The following GABRG3 variants were observed in gnomAD, a reference collection of about 807,000 sequenced individuals.
GABRG3 encodes gamma-aminobutyric acid type A receptor subunit gamma3, also known as gamma-aminobutyric acid receptor subunit gamma-3.
A neutral mutation model predicts 48.8 loss-of-function variants in GABRG3; 25 were observed. That is an observed-to-expected ratio of 0.51 (90% confidence interval 0.37 to 0.72). The LOEUF (loss-of-function observed/expected upper bound fraction) is 0.72. Ranked by LOEUF, GABRG3 falls within the 30% of genes least tolerant of loss-of-function variation. GABRG3 has a pLI of 0.00. For synonymous variants in GABRG3, 227 were observed against 217.6 expected (o/e 1.04, Z -0.38); for missense variants, 394 against 577.9 (o/e 0.68, Z 3.26).
intron 5 of GABRG3, among the ~76,000 whole-genome samples, chr15:27,379,407 C>A (rs9672260): frequency 0.37 from 55,757 of 152,064 alleles, 10,553 homozygotes; most frequent in Middle Eastern, 0.43. Context: ...AAGCTATAAT[C>A]ATCAAATTCT....
At chr15:27,221,866 A>C (rs1293833326) in intron 3 of GABRG3, among the ~76,000 whole-genome samples, 1 of 152,126 alleles carries the variant, frequency 6.6e-6, no homozygotes, top group Non-Finnish European at 1.5e-5. Context: ...GCTGTTTTCT[A>C]TCTATATTTT....
intron 6 of GABRG3, among the ~76,000 whole-genome samples, chr15:27,489,037 C>A (rs185571444): frequency 6.6e-6 from 1 of 151,492 alleles, no homozygotes; most frequent in East Asian, 1.9e-4. Flanking sequence ...CATCCCCCCA[C>A]CCCCCGACAG....
chr15:27,111,043 G>A (rs1001799419), intron 3 of GABRG3, among the ~76,000 whole-genome samples: 7 of 152,068 alleles, frequency 4.6e-5, no homozygotes, highest in African/African-American at 1.4e-4. Context: ...ATTAATATAT[G>A]ACATTGCCTC....
At chr15:27,221,132 C>A (rs1296669686) in intron 3 of GABRG3, among the ~76,000 whole-genome samples, 1 of 152,052 alleles carries the variant, frequency 6.6e-6, no homozygotes, top group East Asian at 1.9e-4. Context: ...GGGCATTTTA[C>A]AAAACAGATG....
At chr15:27,406,841 G>C (rs2140594373) in intron 5 of GABRG3, among the ~76,000 whole-genome samples, 1 of 152,280 alleles carries the variant, frequency 6.6e-6, no homozygotes, top group Non-Finnish European at 1.5e-5. Flanking sequence ...TGGGGAAAGG[G>C]TCAAACGTAG....
At chr15:27,058,171 G>A (rs1217832862) in intron 3 of GABRG3, among the ~76,000 whole-genome samples, 3 of 152,140 alleles carry the variant, frequency 2.0e-5, no homozygotes, top group South Asian at 2.1e-4. Context: ...CTATGATAAC[G>A]CATCAGAACA....
At chr15:27,317,525 C>T (rs979445646) in intron 3 of GABRG3, among the ~76,000 whole-genome samples, 1 of 152,194 alleles carries the variant, frequency 6.6e-6, no homozygotes, top group African/African-American at 2.4e-5. Context: ...GTTTGAGAGG[C>T]CTCACTAGGA....
At chr15:27,292,867 C>T (rs1891841378) in intron 3 of GABRG3, among the ~76,000 whole-genome samples, 1 of 152,134 alleles carries the variant, frequency 6.6e-6, no homozygotes, top group African/African-American at 2.4e-5. Context: ...GAAATCAGGA[C>T]TATTTCCATA....
Position 27,236,816 on chromosome 15 carries a change from G to A in GABRG3, c.271-89993G>A, listed in dbSNP as rs749991525. 2.0e-4 allele frequency among the ~76,000 whole-genome samples: 31 copies of A among 152,110 alleles called. No individual in the cohort carries two copies. Among genetic ancestry groups the A allele is most frequent in the Admixed American group, 9.2e-4 (14 of 15,272 alleles). ...TGGGTCCCATGAAGAGGCATGAAGC[G>A]CAATTGCACGTGTGTTTGTTTTATC... On this transcript the variant is annotated intron_variant, in intron 3 of 9. Coordinates refer to ENST00000615808, the MANE Select transcript of GABRG3 (RefSeq NM_033223.5). The surrounding 1 kb of genome is among the most constrained non-coding windows in gnomAD (Gnocchi z 4.4).
intron 5 of GABRG3, among the ~76,000 whole-genome samples, chr15:27,459,861 G>A (rs1173585491): frequency 6.6e-6 from 1 of 152,154 alleles, no homozygotes; most frequent in Non-Finnish European, 1.5e-5. Flanking sequence ...GCTAGCAAGT[G>A]TAACTTTTCA....
chr15:27,523,849 A>G (rs1192341258), intron 7 of GABRG3, among the ~76,000 whole-genome samples: 1 of 152,006 alleles, frequency 6.6e-6, no homozygotes, highest in African/African-American at 2.4e-5. Flanking sequence ...AAAAAATAAT[A>G]ATCAACTGAG....
chr15:27,396,857 A>G (rs1887314475), intron 5 of GABRG3, among the ~76,000 whole-genome samples: 2 of 152,162 alleles, frequency 1.3e-5, no homozygotes, highest in Admixed American at 1.3e-4. Flanking sequence ...AAGACCAAAA[A>G]CTACATATTG....
intron 3 of GABRG3, among the ~76,000 whole-genome samples, chr15:27,072,682 C>G (rs1896848130): frequency 6.6e-6 from 1 of 152,200 alleles, no homozygotes; most frequent in African/African-American, 2.4e-5. Context: ...ACTTTGCCTT[C>G]CTCAGCCCCT....
intron 3 of GABRG3, among the ~76,000 whole-genome samples, chr15:27,089,181 C>T (rs1158914053): frequency 6.6e-6 from 1 of 152,148 alleles, no homozygotes; most frequent in East Asian, 1.9e-4. Flanking sequence ...GAAGCAGGGC[C>T]TTGGGGTCAG....
At chr15:27,126,783 A>G (rs1415589688) in intron 3 of GABRG3, among the ~76,000 whole-genome samples, 1 of 152,156 alleles carries the variant, frequency 6.6e-6, no homozygotes, top group East Asian at 1.9e-4. Context: ...GCCATGATGG[A>G]TTCGAGACAG....
At chr15:27,254,516 C>T (rs7166769) in intron 3 of GABRG3, among the ~76,000 whole-genome samples, 3,358 of 152,186 alleles carry the variant, frequency 0.022, 120 homozygotes, top group African/African-American at 0.077. Context: ...AACAGAAACT[C>T]ATCTCTCACA....
At chr15:27,249,098 G>T (rs1294002738) in intron 3 of GABRG3, among the ~76,000 whole-genome samples, 1 of 152,154 alleles carries the variant, frequency 6.6e-6, no homozygotes, top group Non-Finnish European at 1.5e-5. Context: ...TTCAACACGC[G>T]ACCTGGGTGA....
chr15:27,374,260 G>A (rs560820560), intron 5 of GABRG3, among the ~76,000 whole-genome samples: 12 of 149,334 alleles, frequency 8.0e-5, no homozygotes, highest in Admixed American at 4.0e-4. Flanking sequence ...AGCCTCCTGA[G>A]TAGCTGAGAC....
chr15:27,277,801 G>T (rs975307662), intron 3 of GABRG3, among the ~76,000 whole-genome samples: 1 of 152,034 alleles, frequency 6.6e-6, no homozygotes, highest in Non-Finnish European at 1.5e-5. Flanking sequence ...AAATTTAGAG[G>T]CCATTAAAGC....
Sources: allele counts gnomAD v4.1 joint callset (sites outside exome capture counted in the v4.1 genomes callset), GRCh38; gene constraint gnomAD v4.1.1; non-coding constraint Gnocchi (gnomAD v3.1); transcripts MANE v1.5; gene names NCBI Gene and HGNC (gene_info 2026-07-23, HGNC 2026-07-21).